Variants in SMCO2 observed in about 807,000 individuals in gnomAD.
SMCO2 encodes single-pass membrane protein with coiled-coil domains 2.
SMCO2 carries 25 observed loss-of-function variants against 29.5 expected under a neutral mutation model. The ratio of observed to expected loss-of-function variants is 0.85; its 90% confidence interval spans 0.62 to 1.18. The LOEUF is 1.18. Ranked by LOEUF, SMCO2 falls within the 50% of genes most tolerant of loss-of-function variation. SMCO2 has a pLI of 0.00. For missense variants in SMCO2, 348 were observed against 344.5 expected (o/e 1.01, Z -0.08); for synonymous variants, 117 against 123.3 (o/e 0.95, Z 0.34).
At chr12:27,496,521 G>A (rs1018476867) in intron 7 of SMCO2, among the ~76,000 whole-genome samples, 1 of 150,584 alleles carries the variant, frequency 6.6e-6, no homozygotes, top group African/African-American at 2.5e-5. Context: ...TGTTTGCTGT[G>A]CAGGATGCCT....
intron 7 of SMCO2, chr12:27,496,966 G>C (rs1943013386): frequency 6.6e-6 from 1 of 152,068 alleles, no homozygotes; most frequent in Admixed American, 6.6e-5. Context: ...ACCTCATGTT[G>C]ACCATCATAG....
At chr12:27,464,708 C>A (rs1364280575), upstream of SMCO2, among the ~76,000 whole-genome samples, 1 of 138,630 alleles carries the variant, frequency 7.2e-6, no homozygotes, top group Non-Finnish European at 1.5e-5. Context: ...CAGAAAAAGA[C>A]CCTGTCTCAA....
In SMCO2 at chr12:27,473,096, T is replaced by A. The variant is rs1391381597; in HGVS notation, c.234+221T>A. On this transcript the variant is annotated intron_variant, in intron 3 of 7. Coordinates refer to ENST00000298876, the Ensembl canonical transcript of SMCO2. ...CATGAAGGACTTACTAGCCTTCCCA[T>A]GCGAACAAAAAAGAAAAAAAAGTGA... 8.9e-6 allele frequency: 4 copies of A among 448,612 alleles called. No homozygotes were observed. The South Asian group carries it at 1.4e-4, about 16-fold the overall frequency. 27.8% of individuals were successfully genotyped at this position (448,612 alleles called of 1,614,324 possible).
chr12:27,440,688 AT>A, the SMCO2 span, among the ~76,000 whole-genome samples: 21 of 37,098 alleles, frequency 5.7e-4, no homozygotes, highest in Non-Finnish European at 1.3e-3. Flanking sequence ...CTAGTCTTTT[AT>A]TTGTGATCTA....
intron 4 of SMCO2, among the ~76,000 whole-genome samples, chr12:27,484,872 ATATAT>A (rs1461005492): frequency 1.9e-4 from 13 of 69,260 alleles, no homozygotes; most frequent in African/African-American, 7.3e-4. Flanking sequence ...AAAAAAAAAA[ATATAT>A]ATATATATAT....
At chr12:27,473,350 C>G (rs1349574899) in intron 3 of SMCO2, among the ~76,000 whole-genome samples, 1 of 152,098 alleles carries the variant, frequency 6.6e-6, no homozygotes, top group Admixed American at 6.5e-5. Context: ...AACTCCTGGT[C>G]TCTTGTCTTC....
rs12809236 is a variant in SMCO2, at chr12:27,472,763, G to A, written c.135-13G>A. 3.2e-6 allele frequency: 5 copies of A among 1,547,554 alleles called. No homozygotes were observed. The highest frequency in any genetic ancestry group is 4.4e-6 in the Non-Finnish European group (5 of 1,144,042). On this transcript the variant is annotated splice_polypyrimidine_tract_variant and intron_variant, in intron 2 of 7. Coordinates refer to ENST00000298876, the Ensembl canonical transcript of SMCO2. ...CATAATAACAGCCTCTGTTTGGATTGTGTGGCTTGCAGTTTGCTAAAGGAA... is the reference window on the plus strand; with the variant it reads ...CATAATAACAGCCTCTGTTTGGATTATGTGGCTTGCAGTTTGCTAAAGGAA...
rs575232488 is a variant in SMCO2 at position 27,479,047 on chromosome 12, G to C, written c.362+4134G>C. Among the ~76,000 whole-genome samples, 7 of 152,318 alleles carry C rather than the reference G, an allele frequency of 4.6e-5. 1 individual carries two copies. The South Asian group carries it at 1.4e-3, about 32-fold the overall frequency. ...CAGTAGGGGTGGGTTGAACAGGACT[G>C]TTGTCAGGCCCCTTGATAGTGTATG... On this transcript the variant is annotated intron_variant, in intron 4 of 7. Transcript: ENST00000298876.
At chr12:27,446,240 T>C in the SMCO2 span, among the ~76,000 whole-genome samples, 1 of 151,234 alleles carries the variant, frequency 6.6e-6, no homozygotes, top group Non-Finnish European at 1.5e-5. Context: ...ATGGTGGGAG[T>C]TGGGAAGCAG....
At chr12:27,445,539 CA>C in the SMCO2 span, among the ~76,000 whole-genome samples, 1 of 152,094 alleles carries the variant, frequency 6.6e-6, no homozygotes, top group Non-Finnish European at 1.5e-5. Context: ...AAATATGAAA[CA>C]AAAGCCACAA....
chr12:27,476,387 G>A (rs1949586480), intron 4 of SMCO2, among the ~76,000 whole-genome samples: 1 of 152,154 alleles, frequency 6.6e-6, no homozygotes, highest in South Asian at 2.1e-4. Context: ...TTAGTCCAAA[G>A]TGCAGTTTAA....
intron 1 of SMCO2, among the ~76,000 whole-genome samples, chr12:27,468,568 G>A (rs1283350157): frequency 1.3e-5 from 2 of 152,238 alleles, no homozygotes; most frequent in East Asian, 3.8e-4. Flanking sequence ...TTCCTCAGTT[G>A]CACTGGCCAC....
the SMCO2 span, among the ~76,000 whole-genome samples, chr12:27,435,855 G>A: frequency 6.6e-6 from 1 of 152,146 alleles, no homozygotes; most frequent in African/African-American, 2.4e-5. Flanking sequence ...TGGGGTTCTT[G>A]TTTCTCTTCA....
upstream of SMCO2, among the ~76,000 whole-genome samples, chr12:27,462,542 A>C (rs1395005361): frequency 1.3e-5 from 2 of 152,218 alleles, no homozygotes; most frequent in African/African-American, 4.8e-5. Context: ...ACTCTGTTCC[A>C]GGAGCTTTAT....
chr12:27,463,791 T>C (rs549189597), upstream of SMCO2, among the ~76,000 whole-genome samples: 9 of 152,306 alleles, frequency 5.9e-5, no homozygotes, highest in African/African-American at 2.2e-4. Context: ...AGTTAAAATA[T>C]GAATATGTAA....
intron 5 of SMCO2, 37 bp from the exon 7 acceptor site, chr12:27,494,261 TAA>T (rs932399504): frequency 1.5e-6 from 2 of 1,298,220 alleles, no homozygotes; most frequent in East Asian, 3.0e-5. Context: ...CAGAAAAATA[TAA>T]GTTTCATTTT....
chr12:27,453,752 G>T, the SMCO2 span, among the ~76,000 whole-genome samples: 1 of 152,140 alleles, frequency 6.6e-6, no homozygotes, highest in Non-Finnish European at 1.5e-5. Context: ...AGCAAATGTG[G>T]CACAAATCAA....
chr12:27,472,251 T>C (rs758050558), intron 2 of SMCO2, among the ~76,000 whole-genome samples: 2 of 152,170 alleles, frequency 1.3e-5, no homozygotes, highest in Non-Finnish European at 2.9e-5. Flanking sequence ...CTATTCTGTA[T>C]AATATATATA....
At chr12:27,457,264 C>T in the SMCO2 span, among the ~76,000 whole-genome samples, 3 of 152,142 alleles carry the variant, frequency 2.0e-5, no homozygotes, top group African/African-American at 4.8e-5. Context: ...AGGAGCCTCA[C>T]GTGTGATTTA....
Sources: gnomAD v4.1 joint callset for allele counts (sites outside exome capture counted in the v4.1 genomes callset) on GRCh38, gnomAD v4.1.1 for gene constraint, MANE v1.5 for transcripts, NCBI Gene and HGNC (gene_info 2026-07-23, HGNC 2026-07-21) for gene names.